NCOA2: variants seen among roughly 807,000 people sequenced by gnomAD.
NCOA2 encodes nuclear receptor coactivator 2.
In NCOA2, 21 loss-of-function variants were observed where a neutral mutation model predicts 145.1. That is an observed-to-expected ratio of 0.14 (90% CI 0.10 to 0.21). The LOEUF (loss-of-function observed/expected upper bound fraction) is 0.21. Ranked by LOEUF, NCOA2 falls within the 10% of genes least tolerant of loss-of-function variation. The pLI, the probability that NCOA2 is intolerant of heterozygous loss-of-function variation, is 1.00. For synonymous variants in NCOA2, 619 were observed against 637.5 expected, an observed-to-expected ratio of 0.97 and a Z score of 0.44; for missense variants, 1,472 against 1,837.6, an observed-to-expected ratio of 0.80 and a Z score of 3.64.
intron 4 of NCOA2, among the ~76,000 whole-genome samples, chr8:70,198,487 G>A (rs1817572903): frequency 6.6e-6 from 1 of 152,186 alleles, no homozygotes; most frequent in South Asian, 2.1e-4. Context: ...GAGACTCACT[G>A]GAGGCTCAGG....
chr8:70,403,856 T>TCCTCCTCCG, upstream of NCOA2: 1 of 383,674 alleles, frequency 2.6e-6, no homozygotes, highest in Non-Finnish European at 4.6e-6. Flanking sequence ...TCCCTCCTCC[T>TCCTCCTCCG]CCTCCTCCTC....
intron 1 of NCOA2, among the ~76,000 whole-genome samples, chr8:70,310,617 T>C (rs1805032355): frequency 6.6e-6 from 1 of 152,290 alleles, no homozygotes; most frequent in Non-Finnish European, 1.5e-5. Flanking sequence ...CAAATGTACA[T>C]AGTAGACCTC....
chr8:70,124,545 G>T, intron 20 of NCOA2, 143 bp downstream of exon 20: 1 of 736,162 alleles, frequency 1.4e-6, no homozygotes, highest in Non-Finnish European at 2.1e-6. Flanking sequence ...AAATTGCTGT[G>T]GAAGGCGGTG....
intron 2 of NCOA2, among the ~76,000 whole-genome samples, chr8:70,289,706 T>G (rs936429577): frequency 6.6e-6 from 1 of 152,152 alleles, no homozygotes; most frequent in Non-Finnish European, 1.5e-5. Context: ...CCATACACAG[T>G]GGCACCACAA....
chr8:70,407,666 G>A (rs182894441), upstream of NCOA2, among the ~76,000 whole-genome samples: 6 of 151,950 alleles, frequency 3.9e-5, no homozygotes, highest in African/African-American at 7.2e-5. Flanking sequence ...GTGTGGTGGC[G>A]CGCTCCTGTA....
At chr8:70,320,514 GAT>G (rs1414587924) in intron 1 of NCOA2, among the ~76,000 whole-genome samples, 43 of 152,238 alleles carry the variant, frequency 2.8e-4, no homozygotes, top group African/African-American at 9.4e-4. Context: ...AAGAGAAAAA[GAT>G]AGTAATTTTT....
At chr8:70,294,604 G>A (rs2135719149) in intron 2 of NCOA2, among the ~76,000 whole-genome samples, 1 of 152,194 alleles carries the variant, frequency 6.6e-6, no homozygotes, top group Non-Finnish European at 1.5e-5. Context: ...ATAATGTTTG[G>A]CTTTTAAATT....
chr8:70,220,910 A>G (rs1474956290), intron 2 of NCOA2, among the ~76,000 whole-genome samples: 3 of 152,222 alleles, frequency 2.0e-5, no homozygotes, highest in African/African-American at 7.2e-5. Flanking sequence ...CTGAACTCCA[A>G]ACATAATAAA....
chr8:70,145,543 G>A lies in NCOA2; in HGVS notation c.2606-695C>T, dbSNP rs538164415. On this transcript the variant is annotated intron_variant, in intron 12 of 22. Transcript: ENST00000452400. ...TCACCATGTTGGCCAGGATGGTCTC[G>A]ATCTCTTGACCGTGTGACCCGCCTG... 5.3e-5 allele frequency among the ~76,000 whole-genome samples: 8 copies of A among 151,622 alleles called. No homozygotes were observed. The East Asian group carries it at 7.7e-4, about 15-fold the overall frequency.
At chr8:70,182,675 A>G (rs1390003352) in intron 4 of NCOA2, among the ~76,000 whole-genome samples, 1 of 152,210 alleles carries the variant, frequency 6.6e-6, no homozygotes, top group Non-Finnish European at 1.5e-5. Flanking sequence ...AGTACCTATC[A>G]GTATTGAATT....
At chr8:70,310,619 G>A (rs1805032557) in intron 1 of NCOA2, among the ~76,000 whole-genome samples, 1 of 152,060 alleles carries the variant, frequency 6.6e-6, no homozygotes, top group African/African-American at 2.4e-5. Flanking sequence ...AATGTACATA[G>A]TAGACCTCTT....
At chr8:70,444,635 T>C in the NCOA2 span, among the ~76,000 whole-genome samples, 4 of 152,218 alleles carry the variant, frequency 2.6e-5, no homozygotes, top group African/African-American at 9.6e-5. Flanking sequence ...AAAGGGTATA[T>C]GGGATCTCCC....
intron 4 of NCOA2, among the ~76,000 whole-genome samples, chr8:70,194,069 C>T (rs10087049): frequency 0.54 from 82,780 of 152,080 alleles, 23,907 homozygotes; most frequent in Non-Finnish European, 0.64. Flanking sequence ...AATCCAAGTC[C>T]GTTTTAAATG....
At chr8:70,232,048 G>A (rs1821185382) in intron 2 of NCOA2, among the ~76,000 whole-genome samples, 1 of 152,090 alleles carries the variant, frequency 6.6e-6, no homozygotes, top group African/African-American at 2.4e-5. Context: ...CACTTCGGCC[G>A]CTGCCTTCTA....
chr8:70,431,030 A>G, the NCOA2 span, among the ~76,000 whole-genome samples: 1 of 152,166 alleles, frequency 6.6e-6, no homozygotes, highest in East Asian at 1.9e-4. Context: ...ATAATAAGGC[A>G]AATTGTTGCA....
At chr8:70,249,373 T>C (rs1450999468) in intron 2 of NCOA2, among the ~76,000 whole-genome samples, 1 of 152,206 alleles carries the variant, frequency 6.6e-6, no homozygotes, top group Non-Finnish European at 1.5e-5. Flanking sequence ...GAGGCCACTT[T>C]AGAGGGAGGA....
intron 1 of NCOA2, among the ~76,000 whole-genome samples, chr8:70,384,880 T>C (rs1253129846): frequency 5.3e-5 from 8 of 152,164 alleles, no homozygotes; most frequent in South Asian, 4.1e-4. Context: ...CTCCCATCCA[T>C]TGAGAACCAT....
At position 70,111,231 on chromosome 8, in the gene NCOA2, C is replaced by A. The variant is rs1032962915; in HGVS notation, c.*2401G>T. 1 of 225,012 alleles carries A rather than the reference C, an allele frequency of 4.4e-6. No homozygotes were observed. The highest frequency in any genetic ancestry group is 6.4e-5 in the East Asian group (1 of 15,510). The allele number at this position is 225,012 out of a possible 1,614,324, so 13.9% of individuals were successfully genotyped here. ...AATTAGGATTGACATTAAAATACAG[C>A]GGGCAGATGGATAAAAAAGAAGAGA... On this transcript the variant is annotated 3_prime_UTR_variant, in exon 23 of 23. Transcript: ENST00000452400.
At chr8:70,143,334 A>T (rs577719299) in intron 13 of NCOA2, among the ~76,000 whole-genome samples, 326 of 152,288 alleles carry the variant, frequency 2.1e-3, no homozygotes, top group Non-Finnish European at 3.8e-3. Flanking sequence ...TCGGATTTTA[A>T]TACAGGCCTA....
Sources: gnomAD v4.1 joint callset for allele counts (sites outside exome capture counted in the v4.1 genomes callset) on GRCh38, gnomAD v4.1.1 for gene constraint, MANE v1.5 for transcripts, NCBI Gene and HGNC (gene_info 2026-07-23, HGNC 2026-07-21) for gene names.